Variants in TMEM62 observed in about 807,000 individuals in gnomAD.
TMEM62 encodes the protein transmembrane protein 62.
Under a neutral mutation model 70.4 loss-of-function variants are expected in TMEM62, and 41 were observed. The observed-to-expected ratio is 0.58, with a 90% CI of 0.45 to 0.76. The LOEUF is 0.76. Among genes scored for constraint, TMEM62 ranks in the 30% least tolerant of loss-of-function variants. The pLI is 0.00. For missense variants in TMEM62, 688 were observed against 788.5 expected (o/e 0.87, Z 1.53); for synonymous variants, 268 against 291.0 (o/e 0.92, Z 0.80).
At chr15:43,162,892 G>A (rs2038924431) in intron 10 of TMEM62, among the ~76,000 whole-genome samples, 2 of 151,786 alleles carry the variant, frequency 1.3e-5, no homozygotes, top group Non-Finnish European at 2.9e-5. Flanking sequence ...ATCAAAGGGT[G>A]GGCACACTAT....
At chr15:43,151,747 A>G in intron 7 of TMEM62, 43 bp from the exon 8 acceptor site, 2 of 1,588,844 alleles carry the variant, frequency 1.3e-6, no homozygotes, top group Non-Finnish European at 1.7e-6. Context: ...GACCTCTTAC[A>G]ATGTGAAGTG....
rs568864331 is a variant in TMEM62 at position 43,142,265 on chromosome 15, A to C, written c.476+3646A>C. 2.0e-5 allele frequency among the ~76,000 whole-genome samples: 3 copies of C among 150,536 alleles called. No homozygotes were observed. The South Asian group carries it at 6.3e-4, about 32-fold the overall frequency. ...ACTGCAACCTCCGCCTCCCGGGTTC[A>C]AGCAATTCTCCTGCCTCAGCCTCCT... On this transcript the variant is annotated intron_variant, in intron 4 of 13. Coordinates refer to ENST00000260403, the MANE Select transcript of TMEM62 (RefSeq NM_024956.4).
At chr15:43,166,730 A>G (rs185704902) in intron 10 of TMEM62, among the ~76,000 whole-genome samples, 49 of 152,250 alleles carry the variant, frequency 3.2e-4, no homozygotes, top group African/African-American at 1.1e-3. Flanking sequence ...GTCCCTGGGT[A>G]CTTGAGATTA....
intron 10 of TMEM62, among the ~76,000 whole-genome samples, chr15:43,161,131 T>TG (rs796862067): frequency 6.6e-6 from 1 of 152,082 alleles, no homozygotes; most frequent in Non-Finnish European, 1.5e-5. Context: ...AGGCATCCAC[T>TG]GGGGGGGACT....
chr15:43,147,025 G>GTGA (rs1479247359), intron 5 of TMEM62, among the ~76,000 whole-genome samples: 1 of 152,178 alleles, frequency 6.6e-6, no homozygotes, highest in Non-Finnish European at 1.5e-5. Flanking sequence ...GTGCAGTGGT[G>GTGA]TGATTTCAGC....
At chr15:43,143,953 C>A (rs2036370002) in intron 4 of TMEM62, among the ~76,000 whole-genome samples, 1 of 152,116 alleles carries the variant, frequency 6.6e-6, no homozygotes, top group African/African-American at 2.4e-5. Context: ...TTGGCTTTTG[C>A]CTTCAAGGAA....
intron 10 of TMEM62, among the ~76,000 whole-genome samples, chr15:43,167,605 T>C (rs1019854210): frequency 2.7e-5 from 4 of 145,484 alleles, no homozygotes; most frequent in Admixed American, 1.4e-4. Context: ...CTAGATGTGA[T>C]GGCGGCCAGG....
At chr15:43,159,646 T>G (rs2038446165) in intron 9 of TMEM62, among the ~76,000 whole-genome samples, 1 of 152,192 alleles carries the variant, frequency 6.6e-6, no homozygotes, top group Admixed American at 6.5e-5. Flanking sequence ...ATTCATCTGT[T>G]GATGGACACT....
chr15:43,166,857 GGT>G (rs2039486303), intron 10 of TMEM62, among the ~76,000 whole-genome samples: 1 of 152,158 alleles, frequency 6.6e-6, no homozygotes, highest in South Asian at 2.1e-4. Flanking sequence ...TTGGGGGTAA[GGT>G]CACAGATCAA....
At chr15:43,173,042 A>C (rs1160509097) in intron 11 of TMEM62, among the ~76,000 whole-genome samples, 1 of 152,188 alleles carries the variant, frequency 6.6e-6, no homozygotes, top group East Asian at 1.9e-4. Flanking sequence ...ACCGTGGCCA[A>C]CATGGTGAAA....
At chr15:43,175,930 C>G (rs2040687791) in intron 11 of TMEM62, among the ~76,000 whole-genome samples, 1 of 152,222 alleles carries the variant, frequency 6.6e-6, no homozygotes, top group Admixed American at 6.5e-5. Flanking sequence ...CTTTCCTAGT[C>G]AAAGAAAGGG....
Position 43,133,742 on chromosome 15 carries a change from C to A in TMEM62, c.-61C>A. The A allele has an allele frequency of 8.2e-7, 1 of 1,216,494 alleles. No individual in the cohort carries two copies. Among genetic ancestry groups the A allele is most frequent in the Non-Finnish European group, 1.0e-6 (1 of 958,046 alleles). 75.4% of individuals were successfully genotyped at this position (1,216,494 alleles called of 1,614,324 possible). ...CCGGAAGTGCAGGCAAAGCGGCTCCCGGGAGCGCCGCGCGGTCCTGCGCGG... is the reference window on the plus strand; with the variant it reads ...CCGGAAGTGCAGGCAAAGCGGCTCCAGGGAGCGCCGCGCGGTCCTGCGCGG... On this transcript the variant is annotated 5_prime_UTR_variant, in exon 1 of 14. Coordinates refer to ENST00000260403, the MANE Select transcript of TMEM62 (RefSeq NM_024956.4).
intron 10 of TMEM62, among the ~76,000 whole-genome samples, chr15:43,164,447 TTTTC>T: frequency 6.6e-6 from 1 of 151,730 alleles, no homozygotes; most frequent in African/African-American, 2.4e-5. Flanking sequence ...TTCTTTTTTC[TTTTC>T]TTTTTTTTTT....
intron 9 of TMEM62, among the ~76,000 whole-genome samples, chr15:43,155,462 C>T (rs2037933605): frequency 6.6e-6 from 1 of 152,112 alleles, no homozygotes; most frequent in Non-Finnish European, 1.5e-5. Context: ...TGCCAGTGCA[C>T]TCTAGCCTGA....
chr15:43,148,881 T>G lies in TMEM62; in HGVS notation c.743+2T>G. The G allele has an allele frequency of 6.2e-7, 1 of 1,607,698 alleles. No individual in the cohort carries two copies. Among genetic ancestry groups the G allele is most frequent in the East Asian group, 2.2e-5 (1 of 44,828 alleles). Reference sequence around the variant, plus strand: ...ACCAGGAATCCGGTCAATAATGAGGTGAGACAAGCTTCCAAAATCAGAATT... The same window carrying G: ...ACCAGGAATCCGGTCAATAATGAGGGGAGACAAGCTTCCAAAATCAGAATT... On this transcript the variant is annotated splice_donor_variant, in intron 6 of 13. Transcript: ENST00000260403. LOFTEE classifies it high-confidence loss of function.
Position 43,184,403 on chromosome 15 carries a change from C to T in TMEM62, c.1749C>T (p.Tyr583=), listed in dbSNP as rs767708614. 2.4e-5 allele frequency: 38 copies of T among 1,614,124 alleles called. No individual in the cohort carries two copies. Among genetic ancestry groups the T allele is most frequent in the Admixed American group, 3.3e-5 (2 of 60,014 alleles). ...MPVHLLMLLL[Y]IWQVYSCYFL... ...TTCACCTACTTATGCTACTGCTGTA[C>T]ATCTGGCAGGTTTATTCCTGCTACT... Residue 583 remains tyrosine (Y), a synonymous_variant, in exon 14 of 14, where the codon TAC becomes TAT. Transcript: ENST00000260403.
chr15:43,174,931 C>T (rs1346780755), intron 11 of TMEM62, among the ~76,000 whole-genome samples: 1 of 152,324 alleles, frequency 6.6e-6, no homozygotes, highest in Non-Finnish European at 1.5e-5. Context: ...CTGAGAAGCA[C>T]GGCTTTGTCT....
chr15:43,169,762 A>G, intron 11 of TMEM62, 85 bp downstream of exon 11: 1 of 1,165,384 alleles, frequency 8.6e-7, no homozygotes, highest in Non-Finnish European at 1.2e-6. Flanking sequence ...GGTTTATTCT[A>G]AGCCAATATG....
At chr15:43,157,078 C>T (rs4924708) in intron 9 of TMEM62, among the ~76,000 whole-genome samples, 152,289 of 152,290 alleles carry the variant, frequency 1, 76,144 homozygotes, top group Non-Finnish European at 1. Flanking sequence ...ACTCAAAATC[C>T]GTGGGAGAAG....
Sources: gnomAD v4.1 joint callset for allele counts (sites outside exome capture counted in the v4.1 genomes callset) on GRCh38, gnomAD v4.1.1 for gene constraint, MANE v1.5 for transcripts, NCBI Gene and HGNC (gene_info 2026-07-23, HGNC 2026-07-21) for gene names.